Variants in CORIN observed in about 807,000 individuals in gnomAD.
CORIN encodes atrial natriuretic peptide-converting enzyme.
In CORIN, 117 loss-of-function variants were observed where a neutral mutation model predicts 125.3. That is an observed-to-expected ratio of 0.93 (90% CI 0.80 to 1.09). CORIN has a LOEUF of 1.09. Among genes scored for constraint, CORIN ranks in the 50% least tolerant of loss-of-function variants. The probability of loss-of-function intolerance (pLI) is 0.00; values close to 1 mark genes in which losing one functional copy is unlikely to be tolerated. For missense variants in CORIN, 1,253 were observed against 1,306.7 expected (o/e 0.96, Z 0.63); for synonymous variants, 450 against 466.4 (o/e 0.96, Z 0.45).
chr4:47,628,717 T>C (rs1311443560), intron 16 of CORIN, among the ~76,000 whole-genome samples: 1 of 152,180 alleles, frequency 6.6e-6, no homozygotes, highest in Non-Finnish European at 1.5e-5. Context: ...ATGCAGTGTT[T>C]GTCTTTCTGT....
chr4:47,607,895 C>A (rs1273505161), intron 19 of CORIN, among the ~76,000 whole-genome samples: 1 of 146,090 alleles, frequency 6.8e-6, no homozygotes, highest in Non-Finnish European at 1.5e-5. Flanking sequence ...TGCAGTGAGC[C>A]AAGATCATGC....
In CORIN at chr4:47,599,122, C is replaced by T. The variant is rs571778914; in HGVS notation, c.2946+1092G>A. Among the ~76,000 whole-genome samples, 3 of 152,280 alleles carry T rather than the reference C, an allele frequency of 2.0e-5. No individual in the cohort carries two copies. The South Asian group carries it at 6.2e-4, about 32-fold the overall frequency. On this transcript the variant is annotated intron_variant, in intron 21 of 21. Transcript: ENST00000273857. Reference sequence around the variant, plus strand: ...CACACCCACATCATGCTGCCTCCTACAACACTTTATTTTGGGCCTGGGAAA... The same window carrying T: ...CACACCCACATCATGCTGCCTCCTATAACACTTTATTTTGGGCCTGGGAAA...
intron 5 of CORIN, among the ~76,000 whole-genome samples, chr4:47,700,816 C>T: frequency 6.6e-6 from 1 of 152,222 alleles, no homozygotes. Flanking sequence ...CTGCTTCCTC[C>T]TCCACCCTCC....
At chr4:47,814,764 T>G (rs1348627686) in intron 1 of CORIN, among the ~76,000 whole-genome samples, 1 of 152,198 alleles carries the variant, frequency 6.6e-6, no homozygotes, top group Non-Finnish European at 1.5e-5. Context: ...AGTTGAAGCA[T>G]ATGAAGTTTA....
chr4:47,698,690 G>A (rs1392186922), intron 5 of CORIN, among the ~76,000 whole-genome samples: 1 of 152,144 alleles, frequency 6.6e-6, no homozygotes, highest in African/African-American at 2.4e-5. Flanking sequence ...GATAGCAGCT[G>A]GGAGTCTATT....
intron 6 of CORIN, among the ~76,000 whole-genome samples, chr4:47,686,451 T>A (rs759227455): frequency 6.6e-6 from 1 of 152,000 alleles, no homozygotes; most frequent in Non-Finnish European, 1.5e-5. Flanking sequence ...TTGACAACGG[T>A]ATTTTATCCC....
intron 5 of CORIN, among the ~76,000 whole-genome samples, chr4:47,723,560 C>A (rs762453926): frequency 6.6e-6 from 1 of 152,060 alleles, no homozygotes; most frequent in Non-Finnish European, 1.5e-5. Flanking sequence ...GACTTGTGAC[C>A]GGAACTTAAC....
chr4:47,658,968 A>G (rs954792611), intron 12 of CORIN, among the ~76,000 whole-genome samples: 1 of 152,200 alleles, frequency 6.6e-6, no homozygotes, highest in African/African-American at 2.4e-5. Context: ...TCTCTTGAAC[A>G]CTTTGTTGCT....
intron 5 of CORIN, chr4:47,706,375 G>C: frequency 1.9e-6 from 3 of 1,603,894 alleles, no homozygotes; most frequent in South Asian, 1.1e-5. Context: ...AGCCAAGATG[G>C]GTGCATACAA....
At chr4:47,611,442 T>C (rs924600313) in intron 19 of CORIN, among the ~76,000 whole-genome samples, 3 of 152,260 alleles carry the variant, frequency 2.0e-5, no homozygotes, top group African/African-American at 7.2e-5. Flanking sequence ...CACATTGATT[T>C]TGTATCCTGA....
At chr4:47,614,383 G>A (rs1236942322) in intron 19 of CORIN, among the ~76,000 whole-genome samples, 1 of 152,098 alleles carries the variant, frequency 6.6e-6, no homozygotes, top group East Asian at 1.9e-4. Context: ...TTTCAGTAGA[G>A]ATGCGGTTTC....
chr4:47,740,338 CT>C (rs1242746221), intron 5 of CORIN, among the ~76,000 whole-genome samples: 9 of 151,898 alleles, frequency 5.9e-5, no homozygotes, highest in African/African-American at 1.9e-4. Flanking sequence ...CCCTTTTAAT[CT>C]TCTACCTAGT....
intron 2 of CORIN, among the ~76,000 whole-genome samples, chr4:47,804,349 T>G (rs186404247): frequency 2.2e-4 from 34 of 152,288 alleles, no homozygotes; most frequent in African/African-American, 7.7e-4. Context: ...GCAATCCCAC[T>G]GCTGGGTATA....
intron 5 of CORIN, among the ~76,000 whole-genome samples, chr4:47,733,111 G>C (rs777701729): frequency 5.9e-5 from 9 of 152,110 alleles, no homozygotes; most frequent in Non-Finnish European, 1.2e-4. Context: ...TTGAATTGAA[G>C]GATTTACATT....
intron 1 of CORIN, among the ~76,000 whole-genome samples, chr4:47,830,292 G>T (rs1281585113): frequency 6.6e-6 from 1 of 152,040 alleles, no homozygotes; most frequent in Non-Finnish European, 1.5e-5. Context: ...TAATTGGCTT[G>T]AGGTTAGGGA....
intron 1 of CORIN, among the ~76,000 whole-genome samples, chr4:47,814,369 TG>T (rs1732177135): frequency 6.6e-6 from 1 of 152,178 alleles, no homozygotes; most frequent in Non-Finnish European, 1.5e-5. Context: ...ATGTGATTTG[TG>T]TTCTTTTTTC....
At chr4:47,659,028 C>T (rs753790849) in intron 12 of CORIN, among the ~76,000 whole-genome samples, 2 of 152,216 alleles carry the variant, frequency 1.3e-5, no homozygotes, top group Non-Finnish European at 2.9e-5. Context: ...GAAGTTCCAA[C>T]TTCAACAGAT....
intron 19 of CORIN, among the ~76,000 whole-genome samples, chr4:47,614,576 T>TA (rs1184767318): frequency 1.3e-5 from 2 of 152,164 alleles, no homozygotes; most frequent in Non-Finnish European, 2.9e-5. Flanking sequence ...GATGAAAACA[T>TA]ACAGGTGCTT....
intron 10 of CORIN, among the ~76,000 whole-genome samples, chr4:47,670,017 T>A (rs1326367223): frequency 6.6e-6 from 1 of 152,234 alleles, no homozygotes; most frequent in Non-Finnish European, 1.5e-5. Context: ...AATTTAACTA[T>A]AGAAGAACCC....
Sources: allele counts gnomAD v4.1 joint callset (sites outside exome capture counted in the v4.1 genomes callset), GRCh38; gene constraint gnomAD v4.1.1; transcripts MANE v1.5; gene names NCBI Gene and HGNC (gene_info 2026-07-23, HGNC 2026-07-21).